GNAI3: variants seen among roughly 807,000 people sequenced by gnomAD.
GNAI3 encodes the protein G protein subunit alpha i3, also known as guanine nucleotide-binding protein G(i) subunit alpha-3.
GNAI3 carries 12 observed loss-of-function variants against 41.8 expected under a neutral mutation model. The observed-to-expected ratio is 0.29, with a 90% CI of 0.18 to 0.47. GNAI3 has a LOEUF of 0.47. Among genes scored for constraint, GNAI3 ranks in the 20% least tolerant of loss-of-function variants. The pLI is 1.00. For synonymous variants in GNAI3, 132 were observed against 146.5 expected, an observed-to-expected ratio of 0.90 and a Z score of 0.71; for missense variants, 360 against 429.6, an observed-to-expected ratio of 0.84 and a Z score of 1.43.
At chr1:109,566,117 T>C (rs1289442030) in intron 1 of GNAI3, among the ~76,000 whole-genome samples, 1 of 152,196 alleles carries the variant, frequency 6.6e-6, no homozygotes, top group Non-Finnish European at 1.5e-5. Flanking sequence ...AAGGGAATAA[T>C]CTGTGCCAGC....
At chr1:109,551,627 C>T (rs964800130) in intron 1 of GNAI3, among the ~76,000 whole-genome samples, 4 of 152,126 alleles carry the variant, frequency 2.6e-5, no homozygotes, top group African/African-American at 9.7e-5. Context: ...GAAAATAGAG[C>T]TACTCCTAGG....
In GNAI3 at chr1:109,573,911, TGGC is replaced by T; in HGVS notation, c.178_180del (p.Gly60del). ...TGTTTTAAAGAATCATTCATGAGGA[TGGC>T]TATTCAGAGGATGAATGTAAACAAT... On this transcript the variant is annotated inframe_deletion, in exon 3 of 9. Coordinates refer to ENST00000369851, the MANE Select transcript of GNAI3 (RefSeq NM_006496.4). 6.2e-7 allele frequency: 1 copy of T among 1,610,934 alleles called. No homozygotes were observed. Among genetic ancestry groups the T allele is most frequent in the Non-Finnish European group, 8.5e-7 (1 of 1,177,528 alleles).
chr1:109,576,784 A>G (rs1648759155), intron 3 of GNAI3, among the ~76,000 whole-genome samples: 1 of 152,126 alleles, frequency 6.6e-6, no homozygotes, highest in South Asian at 2.1e-4. Context: ...GGCTGCCCAA[A>G]GTATTGGGAT....
chr1:109,591,629 CA>C, intron 7 of GNAI3: 1 of 443,690 alleles, frequency 2.3e-6, no homozygotes, highest in South Asian at 3.1e-5. Context: ...CATGTGCTAC[CA>C]AAGCAAGCAC....
At chr1:109,554,352 G>A (rs934673393) in intron 1 of GNAI3, among the ~76,000 whole-genome samples, 2 of 152,008 alleles carry the variant, frequency 1.3e-5, no homozygotes, top group African/African-American at 2.4e-5. Flanking sequence ...CACCAACAGC[G>A]TGAAGGTGTT....
rs188039134 is a variant in GNAI3 at position 109,582,749 on chromosome 1, A to G, written c.590+184A>G. On this transcript the variant is annotated intron_variant, in intron 5 of 8. Coordinates refer to ENST00000369851, the MANE Select transcript of GNAI3 (RefSeq NM_006496.4). ...CCAAACATCTCTTGTTTCTCCAAATAGCGTCAAATGTTTGTGTCCTTTTAG... is the reference window on the plus strand; with the variant it reads ...CCAAACATCTCTTGTTTCTCCAAATGGCGTCAAATGTTTGTGTCCTTTTAG... 3.3e-5 allele frequency among the ~76,000 whole-genome samples: 5 copies of G among 152,326 alleles called. No individual in the cohort carries two copies. In the East Asian group the frequency reaches 9.7e-4, roughly 29 times the overall value.
chr1:109,575,654 C>T (rs1489108777), intron 3 of GNAI3, among the ~76,000 whole-genome samples: 1 of 149,364 alleles, frequency 6.7e-6, no homozygotes, highest in Non-Finnish European at 1.5e-5. Flanking sequence ...GTCTCAGCCT[C>T]CTGAGTATCT....
At chr1:109,583,643 C>T (rs1026751717) in intron 5 of GNAI3, among the ~76,000 whole-genome samples, 38 of 151,772 alleles carry the variant, frequency 2.5e-4, no homozygotes, top group African/African-American at 8.2e-4. Context: ...TGCAGTGGTG[C>T]GATCTCGGCT....
Position 109,592,348 on chromosome 1 carries a change from C to A in GNAI3, c.*26C>A. ...TAAGAATATTCTTCTCTTCTAGTTA[C>A]TACAGTGTGGAGTGTTGAGACCAGA... On this transcript the variant is annotated 3_prime_UTR_variant, in exon 9 of 9. Coordinates refer to ENST00000369851, the MANE Select transcript of GNAI3 (RefSeq NM_006496.4). 1 of 686,266 alleles carries A rather than the reference C, an allele frequency of 1.5e-6. No individual in the cohort carries two copies. Among genetic ancestry groups the A allele is most frequent in the Non-Finnish European group, 2.5e-6 (1 of 400,822 alleles). 42.5% of individuals were successfully genotyped at this position (686,266 alleles called of 1,614,324 possible). A position where few individuals can be genotyped will look rare whatever the true frequency, so the allele number is the denominator to read the frequency against.
chr1:109,582,379 C>A (rs1337922487), intron 4 of GNAI3, 58 bp from the exon 5 acceptor site: 8 of 1,411,318 alleles, frequency 5.7e-6, no homozygotes, highest in Non-Finnish European at 8.0e-6. Flanking sequence ...TTAGTCTGTT[C>A]ATTTGCTATG....
intron 7 of GNAI3, among the ~76,000 whole-genome samples, chr1:109,587,697 A>C (rs1368961115): frequency 2.6e-5 from 4 of 152,154 alleles, no homozygotes; most frequent in Admixed American, 2.6e-4. Context: ...TCATGCTGAG[A>C]CGATGATCAG....
chr1:109,591,573 G>T, intron 7 of GNAI3: 1 of 626,452 alleles, frequency 1.6e-6, no homozygotes, highest in Non-Finnish European at 2.9e-6. Flanking sequence ...TGTCATCCTT[G>T]CGCGGGGACT....
At chr1:109,572,560 A>G (rs1333414011) in intron 1 of GNAI3, among the ~76,000 whole-genome samples, 1 of 152,176 alleles carries the variant, frequency 6.6e-6, no homozygotes, top group Non-Finnish European at 1.5e-5. Flanking sequence ...TGATTAGCAT[A>G]GCTGAAGGAC....
rs1187959410 is a variant in GNAI3, at chr1:109,592,229, A to T, written c.1061A>T (p.Tyr354Phe). ...IKNNLKECGL[Y>F] ...AACAACTTAAAGGAATGTGGACTTT[A>T]TTGAGAAGCATGGATGTTAGTGAAA... Residue 354 changes from tyrosine to phenylalanine, a missense_variant, in exon 8 of 9, where the codon TAT becomes TTT. Transcript: ENST00000369851. 2 of 1,597,908 alleles carry T rather than the reference A, an allele frequency of 1.3e-6. No homozygotes were observed.
chr1:109,573,467 T>C (rs193297538), intron 1 of GNAI3, among the ~76,000 whole-genome samples: 120 of 152,356 alleles, frequency 7.9e-4, no homozygotes, highest in African/African-American at 2.7e-3. Flanking sequence ...TATGTTGCCA[T>C]CTGTCCTTGG....
chr1:109,571,396 G>A (rs1454586261), intron 1 of GNAI3, among the ~76,000 whole-genome samples: 1 of 152,192 alleles, frequency 6.6e-6, no homozygotes. Flanking sequence ...GCCAAACTGT[G>A]AATGCAAATT....
chr1:109,590,280 T>C (rs973964222), intron 7 of GNAI3, among the ~76,000 whole-genome samples: 17 of 152,226 alleles, frequency 1.1e-4, no homozygotes, highest in African/African-American at 3.9e-4. Flanking sequence ...GGCATTAATG[T>C]TGAAGGCCCA....
intron 1 of GNAI3, among the ~76,000 whole-genome samples, chr1:109,572,705 A>G (rs763593649): frequency 1.1e-4 from 16 of 152,086 alleles, no homozygotes; most frequent in Non-Finnish European, 1.6e-4. Context: ...AGGGGTGTGT[A>G]TGTGTGTTGA....
chr1:109,566,928 G>A (rs1041040754), intron 1 of GNAI3, among the ~76,000 whole-genome samples: 6 of 152,172 alleles, frequency 3.9e-5, no homozygotes, highest in African/African-American at 1.4e-4. Context: ...TTACTAAAAG[G>A]AATCAACCGG....
Sources: gnomAD v4.1 joint callset for allele counts (sites outside exome capture counted in the v4.1 genomes callset) on GRCh38, gnomAD v4.1.1 for gene constraint, MANE v1.5 for transcripts, NCBI Gene and HGNC (gene_info 2026-07-23, HGNC 2026-07-21) for gene names.